Variants in POLN observed in about 807,000 individuals in gnomAD.
POLN encodes DNA polymerase nu.
POLN carries 108 observed loss-of-function variants against 113.5 expected under a neutral mutation model. That is an observed-to-expected ratio of 0.95 (90% CI 0.81 to 1.12). The LOEUF (loss-of-function observed/expected upper bound fraction) is 1.12. Ranked by LOEUF, POLN falls within the 50% of genes most tolerant of loss-of-function variation. The pLI is 0.00. For synonymous variants in POLN, 386 were observed against 391.5 expected, an observed-to-expected ratio of 0.99 and a Z score of 0.17; for missense variants, 1,097 against 1,077.1, an observed-to-expected ratio of 1.02 and a Z score of -0.26.
chr4:2,175,162 C>T (rs1732965231), intron 9 of POLN, among the ~76,000 whole-genome samples: 1 of 152,034 alleles, frequency 6.6e-6, no homozygotes, highest in Non-Finnish European at 1.5e-5. Flanking sequence ...TTAAGGTGAC[C>T]CCTATCATGG....
intron 16 of POLN, among the ~76,000 whole-genome samples, chr4:2,153,925 C>T (rs867949023): frequency 3.3e-4 from 50 of 151,656 alleles, no homozygotes; most frequent in Middle Eastern, 6.8e-3. Flanking sequence ...AGGCCAGGCG[C>T]GGTGGCTCAT....
chr4:2,238,988 A>G (rs1234756333), intron 2 of POLN: 5 of 1,579,002 alleles, frequency 3.2e-6, no homozygotes, highest in Non-Finnish European at 2.6e-6. Flanking sequence ...TTCAAGTTTC[A>G]TAATCTCACT....
intron 2 of POLN, chr4:2,240,999 T>C (rs977721327): frequency 7.5e-7 from 1 of 1,336,644 alleles, no homozygotes; most frequent in Admixed American, 2.3e-5. Flanking sequence ...CGGTGTTGAT[T>C]TTTAGAAAAT....
At chr4:2,222,522 A>T (rs1734284607) in intron 3 of POLN, among the ~76,000 whole-genome samples, 1 of 152,182 alleles carries the variant, frequency 6.6e-6, no homozygotes. Flanking sequence ...CCAAAAAACA[A>T]AAAACAAAAC....
At chr4:2,210,254 C>G (rs765976019) in intron 4 of POLN, among the ~76,000 whole-genome samples, 5 of 151,648 alleles carry the variant, frequency 3.3e-5, no homozygotes, top group Admixed American at 6.6e-5. Context: ...AAATTTCAAA[C>G]TGTTGAAGAT....
chr4:2,115,710 C>T (rs1731301374), intron 19 of POLN, among the ~76,000 whole-genome samples: 1 of 152,156 alleles, frequency 6.6e-6, no homozygotes, highest in South Asian at 2.1e-4. Flanking sequence ...AAAAAGGACA[C>T]ACCACTTCTT....
chr4:2,141,523 T>C (rs542191487), intron 16 of POLN, among the ~76,000 whole-genome samples: 1 of 152,164 alleles, frequency 6.6e-6, no homozygotes, highest in Non-Finnish European at 1.5e-5. Flanking sequence ...GTCTGCTCTG[T>C]TGGTGAAGTG....
At chr4:2,133,800 G>C (rs35284994) in intron 16 of POLN, among the ~76,000 whole-genome samples, 4 of 151,874 alleles carry the variant, frequency 2.6e-5, no homozygotes, top group Admixed American at 6.6e-5. Flanking sequence ...AATATAATTA[G>C]ATGGACATGT....
At chr4:2,117,097 T>C (rs966490608) in intron 19 of POLN, among the ~76,000 whole-genome samples, 1 of 152,206 alleles carries the variant, frequency 6.6e-6, no homozygotes, top group Non-Finnish European at 1.5e-5. Context: ...CTCTGTTCCA[T>C]GTCATTGCTT....
chr4:2,207,061 C>G (rs1733863664), intron 5 of POLN, among the ~76,000 whole-genome samples: 1 of 152,200 alleles, frequency 6.6e-6, no homozygotes, highest in Non-Finnish European at 1.5e-5. Context: ...TGGAATACTA[C>G]TCAGCCATAA....
chr4:2,081,947 CT>C (rs71167773), intron 21 of POLN, among the ~76,000 whole-genome samples: 246 of 92,542 alleles, frequency 2.7e-3, no homozygotes, highest in Middle Eastern at 9.6e-3. Flanking sequence ...GCACTCTGCA[CT>C]TTTTTTTTTT....
At chr4:2,173,806 C>T in intron 11 of POLN, 149 bp downstream of exon 11, 1 of 767,760 alleles carries the variant, frequency 1.3e-6, no homozygotes, top group East Asian at 2.5e-5. Context: ...TTGGTTCTCC[C>T]CTGCAGGCGT....
At chr4:2,099,553 AGT>A (rs1730875054) in intron 19 of POLN, among the ~76,000 whole-genome samples, 1 of 152,234 alleles carries the variant, frequency 6.6e-6, no homozygotes, top group South Asian at 2.1e-4. Flanking sequence ...AGTCCAAGAA[AGT>A]GTCGCCATCA....
At chr4:2,119,501 C>T (rs1022360366) in intron 19 of POLN, among the ~76,000 whole-genome samples, 2 of 152,142 alleles carry the variant, frequency 1.3e-5, no homozygotes, top group African/African-American at 4.8e-5. Context: ...CTGGGCAAAT[C>T]CCAGCTCTGT....
chr4:2,235,200 CAAATCCACCATCGCAGTGGAAATTTTT>C (rs950508894), intron 2 of POLN, among the ~76,000 whole-genome samples: 5 of 152,206 alleles, frequency 3.3e-5, no homozygotes, highest in South Asian at 2.1e-4. Flanking sequence ...GAGAAATTTT[CAAATCCACCATCGCAGTGGAAATTTTT>C]AAATCCACCA....
chr4:2,119,397 G>A (rs1454526122), intron 19 of POLN, among the ~76,000 whole-genome samples: 2 of 138,996 alleles, frequency 1.4e-5, no homozygotes, highest in Non-Finnish European at 3.1e-5. Flanking sequence ...TGTGTCTTTT[G>A]CTTGTGTGTG....
At chr4:2,120,773 G>A (rs549048708) in intron 19 of POLN, among the ~76,000 whole-genome samples, 21 of 152,250 alleles carry the variant, frequency 1.4e-4, no homozygotes, top group African/African-American at 4.6e-4. Context: ...GGGATTACAG[G>A]TGTGAGCCAC....
intron 13 of POLN, 106 bp from the exon 14 acceptor site, chr4:2,159,317 T>C: frequency 2.1e-6 from 2 of 968,818 alleles, no homozygotes; most frequent in Non-Finnish European, 3.1e-6. Flanking sequence ...TAATTGAGCA[T>C]ATTTTCCAAA....
At chr4:2,113,995 G>A (rs989080989) in intron 19 of POLN, among the ~76,000 whole-genome samples, 2 of 151,066 alleles carry the variant, frequency 1.3e-5, no homozygotes, top group Admixed American at 1.3e-4. Context: ...AACCTCCTGG[G>A]CTCAGGTGAT....
Sources: gnomAD v4.1 joint callset for allele counts (sites outside exome capture counted in the v4.1 genomes callset) on GRCh38, gnomAD v4.1.1 for gene constraint, MANE v1.5 for transcripts, NCBI Gene and HGNC (gene_info 2026-07-23, HGNC 2026-07-21) for gene names.